CLHC1: variants seen among roughly 807,000 people sequenced by gnomAD.
The protein encoded by CLHC1 is clathrin heavy chain linker domain containing 1.
CLHC1 carries 72 observed loss-of-function variants against 69.5 expected under a neutral mutation model. The ratio of observed to expected loss-of-function variants is 1.04; its 90% confidence interval spans 0.86 to 1.26. The LOEUF (loss-of-function observed/expected upper bound fraction) is 1.26, where lower values mean the gene tolerates loss of function less well. Ranked by LOEUF, CLHC1 falls within the 50% of genes most tolerant of loss-of-function variation. The pLI, the probability that CLHC1 is intolerant of heterozygous loss-of-function variation, is 0.00. For missense variants in CLHC1, 790 were observed against 679.3 expected, an observed-to-expected ratio of 1.16 and a Z score of -1.81; for synonymous variants, 223 against 224.3, an observed-to-expected ratio of 0.99 and a Z score of 0.05.
intron 12 of CLHC1, 55 bp downstream of exon 12, chr2:55,177,547 A>C: frequency 7.7e-7 from 1 of 1,303,946 alleles, no homozygotes; most frequent in African/African-American, 1.5e-5. Flanking sequence ...ACCATCTTGA[A>C]CCTCTCCCTA....
chr2:55,217,819 A>G lies in CLHC1; in HGVS notation c.357T>C (p.Leu119=). ...GTTACTAAAATACTTACTTTGCTTC[A>G]AGTTGGATTGTTCTTTTCCTGTAAT... is the stretch of plus-strand genomic sequence containing the variant. ...LVYYRKRTIQ[L]EAKMRIIESN... Residue 119 remains leucine (L), a synonymous_variant, in exon 4 of 13, where the codon CTT becomes CTC. Coordinates refer to ENST00000401408, the MANE Select transcript of CLHC1 (RefSeq NM_152385.4). 6.5e-7 allele frequency: 1 copy of G among 1,533,658 alleles called. No individual in the cohort carries two copies. The highest frequency in any genetic ancestry group is 1.3e-5 in the South Asian group (1 of 78,536).
intron 4 of CLHC1, among the ~76,000 whole-genome samples, chr2:55,217,552 A>T (rs28625795): frequency 1.8e-3 from 77 of 43,110 alleles, no homozygotes; most frequent in South Asian, 3.2e-3. Context: ...AAAAAAAAAA[A>T]ATATATATAT....
At chr2:55,206,151 T>C in intron 9 of CLHC1, 119 bp downstream of exon 9, 2 of 614,980 alleles carry the variant, frequency 3.3e-6, no homozygotes. Context: ...ACTGAGTAAA[T>C]GGTAGAGATA....
rs773737832 is a variant in CLHC1 at position 55,180,500 on chromosome 2, T to A, written c.1384+10A>T. The A allele has an allele frequency of 5.3e-5, 85 of 1,606,840 alleles. No homozygotes were observed. The highest frequency in any genetic ancestry group is 7.2e-5 in the Non-Finnish European group (84 of 1,173,824). ...TCAAATGTATACAAATGGCAGACTT[T>A]TTAACTTACCGGTAGTAAAGTCCTT... On this transcript the variant is annotated intron_variant, in intron 11 of 12. Transcript: ENST00000401408.
At chr2:55,180,998 T>A (rs1669882961) in intron 10 of CLHC1, among the ~76,000 whole-genome samples, 2 of 152,144 alleles carry the variant, frequency 1.3e-5, no homozygotes, top group South Asian at 4.1e-4. Flanking sequence ...ATATATATTT[T>A]TAGATTGAGT....
rs187331239 is a variant in CLHC1 at position 55,199,555 on chromosome 2, T to C, written c.1006+6715A>G. 7.3e-3 allele frequency among the ~76,000 whole-genome samples: 1,118 copies of C among 152,206 alleles called. 17 individuals carry two copies. The highest frequency in any genetic ancestry group is 0.012 in the Non-Finnish European group (842 of 67,992). On this transcript the variant is annotated intron_variant, in intron 9 of 12. Transcript: ENST00000401408. ...CATTGACAGTACAATAAGATATAGA[T>C]AGAAACAACAAAAAATTAAAAAGCT... is the stretch of plus-strand genomic sequence containing the variant.
intron 9 of CLHC1, among the ~76,000 whole-genome samples, chr2:55,198,580 G>A (rs571658137): frequency 1.8e-4 from 28 of 152,118 alleles, no homozygotes; most frequent in African/African-American, 6.5e-4. Flanking sequence ...GCATGACACC[G>A]TCTCAAAAAA....
intron 3 of CLHC1, among the ~76,000 whole-genome samples, chr2:55,219,016 C>T (rs1311619169): frequency 6.6e-6 from 1 of 152,144 alleles, no homozygotes. Context: ...TATTGATCTC[C>T]TGGCAAGTGC....
chr2:55,191,915 T>G (rs1670970369), intron 9 of CLHC1, among the ~76,000 whole-genome samples: 1 of 152,000 alleles, frequency 6.6e-6, no homozygotes, highest in Non-Finnish European at 1.5e-5. Context: ...GGAAGGAGGA[T>G]CCCTTGAGTC....
rs151044331 is a variant in CLHC1, at chr2:55,182,844, C to T, written c.1007-1100G>A. On this transcript the variant is annotated intron_variant, in intron 9 of 12. Transcript: ENST00000401408. The stretch of plus-strand genomic sequence containing the variant: ...GGTCTGCATGCAGACCAGATAACCC[C>T]ACCTGAGAGAGTCTTTGGGGGTACA... 2.4e-3 allele frequency among the ~76,000 whole-genome samples: 358 copies of T among 152,058 alleles called. 3 individuals carry two copies. The highest frequency in any genetic ancestry group is 7.7e-3 in the African/African-American group (318 of 41,394).
chr2:55,222,551 T>C, intron 2 of CLHC1, 58 bp from the exon 3 acceptor site: 1 of 609,674 alleles, frequency 1.6e-6, no homozygotes, highest in South Asian at 2.5e-5. Flanking sequence ...AGTCAAATAT[T>C]GATCTAAAAA....
rs1004533634 is a variant in CLHC1, at chr2:55,180,848, C to T, written c.1182-136G>A. ...GAATTCCAAGTTACAATTTAATAGGCAATTGATTATGTAATTGAAATGATT... is the reference window on the plus strand; with the variant it reads ...GAATTCCAAGTTACAATTTAATAGGTAATTGATTATGTAATTGAAATGATT... On this transcript the variant is annotated intron_variant, in intron 10 of 12. Transcript: ENST00000401408. 7.7e-5 allele frequency: 49 copies of T among 632,638 alleles called. No individual in the cohort carries two copies. In the Middle Eastern group the frequency reaches 1.0e-3, roughly 13 times the overall value. The allele number at this position is 632,638 out of a possible 1,614,324, so 39.2% of individuals were successfully genotyped here.
chr2:55,215,169 G>A (rs983334756), intron 4 of CLHC1: 1 of 152,138 alleles, frequency 6.6e-6, no homozygotes, highest in Non-Finnish European at 1.5e-5. Flanking sequence ...CTGGCAATAT[G>A]ACTGGCCAGA....
intron 12 of CLHC1, among the ~76,000 whole-genome samples, chr2:55,176,604 T>C (rs1193199876): frequency 6.6e-6 from 1 of 152,200 alleles, no homozygotes; most frequent in Non-Finnish European, 1.5e-5. Flanking sequence ...CTTAGTGATC[T>C]ATCAATTTAT....
chr2:55,222,574 A>T (rs1184624871), intron 2 of CLHC1, 81 bp from the exon 3 acceptor site: 1 of 554,878 alleles, frequency 1.8e-6, no homozygotes, highest in Non-Finnish European at 3.0e-6. Context: ...TATTTTTTTT[A>T]GAAAAAAATT....
chr2:55,189,624 A>G (rs975820066), intron 9 of CLHC1, among the ~76,000 whole-genome samples: 4 of 152,162 alleles, frequency 2.6e-5, no homozygotes, highest in Admixed American at 2.6e-4. Context: ...AAGTCTGGTG[A>G]GGTCAATGCA....
In CLHC1 at chr2:55,172,959, T is replaced by C. The variant is rs1669081922; in HGVS notation, c.*2831A>G. Among the ~76,000 whole-genome samples, 1 of 152,240 alleles carries C rather than the reference T, an allele frequency of 6.6e-6. No individual in the cohort carries two copies. The highest frequency in any genetic ancestry group is 6.5e-5 in the Admixed American group (1 of 15,280). The stretch of plus-strand genomic sequence containing the variant: ...TGAATGAATTTAATAGAAATTCATT[T>C]TGATACATGCTTGACTATAATAAAC... On this transcript the variant is annotated 3_prime_UTR_variant, in exon 13 of 13. Coordinates refer to ENST00000401408, the MANE Select transcript of CLHC1 (RefSeq NM_152385.4).
chr2:55,226,135 T>G (rs937234612), intron 2 of CLHC1, among the ~76,000 whole-genome samples: 8 of 149,028 alleles, frequency 5.4e-5, no homozygotes, highest in Admixed American at 4.1e-4. Flanking sequence ...GAGGTTGCAG[T>G]GAGCCAAGAT....
intron 1 of CLHC1, among the ~76,000 whole-genome samples, chr2:55,229,837 G>A (rs1675092028): frequency 6.6e-6 from 1 of 152,256 alleles, no homozygotes; most frequent in African/African-American, 2.4e-5. Flanking sequence ...ACTCTGGGAG[G>A]CCAAGGCGGG....
Sources: gnomAD v4.1 joint callset for allele counts (sites outside exome capture counted in the v4.1 genomes callset) on GRCh38, gnomAD v4.1.1 for gene constraint, MANE v1.5 for transcripts, NCBI Gene and HGNC (gene_info 2026-07-23, HGNC 2026-07-21) for gene names.